The following SLFN14 variants were observed in gnomAD, a reference collection of about 807,000 sequenced individuals.
The protein encoded by SLFN14 is protein SLFN14.
SLFN14 carries 47 observed loss-of-function variants against 58.6 expected under a neutral mutation model. That is an observed-to-expected ratio of 0.80 (90% confidence interval 0.64 to 1.02). The LOEUF is 1.02. SLFN14 is among the 50% of genes least tolerant of loss of function. The pLI, the probability that SLFN14 is intolerant of heterozygous loss-of-function variation, is 0.00. For missense variants in SLFN14, 967 were observed against 1,078.4 expected (o/e 0.90, Z 1.45); for synonymous variants, 390 against 387.3 (o/e 1.01, Z -0.08).
At chr17:35,560,426 C>A (rs1428357059) in intron 1 of SLFN14, among the ~76,000 whole-genome samples, 2 of 152,154 alleles carry the variant, frequency 1.3e-5, no homozygotes, top group African/African-American at 4.8e-5. Context: ...CCCCCAGGTT[C>A]AAGTGACTCT....
chr17:35,558,027 A>G lies in SLFN14; in HGVS notation c.36T>C (p.Tyr12=). 1 of 1,551,478 alleles carries G rather than the reference A, an allele frequency of 6.4e-7. No homozygotes were observed. Among genetic ancestry groups the G allele is most frequent in the Non-Finnish European group, 8.7e-7 (1 of 1,146,992 alleles). Residue 12 remains tyrosine (Y), a synonymous_variant, in exon 3 of 6, where the codon TAT becomes TAC. Coordinates refer to ENST00000674182, the MANE Select transcript of SLFN14 (RefSeq NM_001129820.2). The part of the protein sequence containing the change: ...ESLKTDTEMP[Y]PEVIVDVGRV... ...TGCCCACATCTACTATTACCTCAGG[A>G]TACGGCATTTCAGTATCAGTCTTGA...
chr17:35,548,776 A>G lies in SLFN14; in HGVS notation c.2202T>C (p.Cys734=), dbSNP rs2072557038. The change falls in exon 6 of 6, where the codon TGT becomes TGC. Residue 734 remains cysteine (C), a synonymous_variant. Coordinates refer to ENST00000674182, the MANE Select transcript of SLFN14 (RefSeq NM_001129820.2). The stretch of plus-strand genomic sequence containing the variant: ...TCATAACCTTCGCTATTTCCAGAGC[A>G]CAGTGGATCCCACTGGTGATTGTTT... The part of the protein sequence containing the change: ...PRKTITSGIH[C]ALEIAKVMKE... The G allele has an allele frequency of 1.3e-6, 2 of 1,551,700 alleles. No homozygotes were observed. Among genetic ancestry groups the G allele is most frequent in the Non-Finnish European group, 1.7e-6 (2 of 1,146,958 alleles).
intron 5 of SLFN14, among the ~76,000 whole-genome samples, chr17:35,551,279 G>A (rs1469504499): frequency 2.0e-5 from 3 of 152,154 alleles, no homozygotes; most frequent in Non-Finnish European, 4.4e-5. Flanking sequence ...ATATTTTTGT[G>A]TGTGTGTGCA....
Position 35,557,439 on chromosome 17 carries a change from T to C in SLFN14, c.624A>G (p.Thr208=), listed in dbSNP as rs1041303196. 1 of 1,551,580 alleles carries C rather than the reference T, an allele frequency of 6.4e-7. No individual in the cohort carries two copies. Among genetic ancestry groups the C allele is most frequent in the Non-Finnish European group, 8.7e-7 (1 of 1,147,002 alleles). The change falls in exon 3 of 6, where the codon ACA becomes ACG. Residue 208 remains threonine, a synonymous_variant. Transcript: ENST00000674182. ...YKEKLNFTES[T]HVEFKRFTTK... is the part of the protein sequence containing the mutation. Reference sequence around the variant, plus strand: ...TGGTGAACCTTTTAAATTCAACATGTGTTGACTCAGTAAAGTTGAGTTTCT... The same window carrying C: ...TGGTGAACCTTTTAAATTCAACATGCGTTGACTCAGTAAAGTTGAGTTTCT...
chr17:35,544,528 C>CTTTTT lies in SLFN14; in HGVS notation c.*3706_*3710dup, dbSNP rs10641330. The stretch of plus-strand genomic sequence containing the variant: ...CCCAGATAACAAGATGATTTAAGAA[C>CTTTTT]TTTTTTTTTTTTTTTTTGAGACAGA... On this transcript the variant is annotated 3_prime_UTR_variant, in exon 6 of 6. Transcript: ENST00000674182. 4.9e-4 allele frequency among the ~76,000 whole-genome samples: 69 copies of CTTTTT among 139,860 alleles called. 2 individuals carry two copies. The highest frequency in any genetic ancestry group is 1.4e-3 in the African/African-American group (54 of 37,604). 91.8% of individuals were successfully genotyped at this position (139,860 alleles called of 152,430 possible).
intron 5 of SLFN14, among the ~76,000 whole-genome samples, chr17:35,551,374 T>G (rs1395297771): frequency 6.6e-6 from 1 of 152,206 alleles, no homozygotes; most frequent in Admixed American, 6.5e-5. Flanking sequence ...CTGTGGTACC[T>G]CAGCCTATCG....
At chr17:35,551,753 G>T (rs1309308604) in intron 5 of SLFN14, among the ~76,000 whole-genome samples, 3 of 151,830 alleles carry the variant, frequency 2.0e-5, no homozygotes, top group Non-Finnish European at 4.4e-5. Flanking sequence ...TTATTTTTAG[G>T]GGAAGAATGC....
chr17:35,558,226 T>A, intron 2 of SLFN14, 120 bp from the exon 3 acceptor site: 2 of 698,576 alleles, frequency 2.9e-6, no homozygotes, highest in Non-Finnish European at 4.6e-6. Flanking sequence ...TCTCTCTCTA[T>A]ATGTATATTT....
intron 5 of SLFN14, among the ~76,000 whole-genome samples, chr17:35,549,761 G>C (rs1045738983): frequency 4.6e-5 from 7 of 152,168 alleles, no homozygotes; most frequent in African/African-American, 1.7e-4. Context: ...CATCCCTACA[G>C]ATTCCATGAT....
In SLFN14 at chr17:35,553,121, T is replaced by A. The variant is rs959416889; in HGVS notation, c.1513A>T (p.Lys505Ter). ...KLQTVGGYTGKVCIIPRLIHL... is the reference protein window; with the variant it reads ...KLQTVGGYTG ...ATCAGCCTTGGAATGATGCACACTTTCCCTGTGTAACCACCAACAGTTTGC... is the reference window on the plus strand; with the variant it reads ...ATCAGCCTTGGAATGATGCACACTTACCCTGTGTAACCACCAACAGTTTGC... Residue 505 changes from lysine to a stop codon, truncating the protein, a stop_gained, in exon 5 of 6, where the codon AAA becomes TAA. Transcript: ENST00000674182. LOFTEE classifies it high-confidence loss of function. 19 of 1,551,580 alleles carry A rather than the reference T, an allele frequency of 1.2e-5. No homozygotes were observed. Among genetic ancestry groups the A allele is most frequent in the Middle Eastern group, 1.7e-4 (1 of 6,014 alleles).
In SLFN14 at chr17:35,554,619, T is replaced by A; in HGVS notation, c.1146A>T (p.Lys382Asn). The change falls in exon 4 of 6, where the codon AAA becomes AAT. Residue 382 changes from lysine to asparagine, a missense_variant. Coordinates refer to ENST00000674182, the MANE Select transcript of SLFN14 (RefSeq NM_001129820.2). ...GCAGAGCCTCCTTAAATTTGTGGAC[T>A]TTTATGGGATATCCGGGACTTTTTC... is the stretch of plus-strand genomic sequence containing the variant. ...SARKSPGYPI[K>N]VHKFKEALQR... 6.5e-7 allele frequency: 1 copy of A among 1,536,474 alleles called. No homozygotes were observed. Among genetic ancestry groups the A allele is most frequent in the Non-Finnish European group, 8.8e-7 (1 of 1,139,504 alleles).
At position 35,548,685 on chromosome 17, in the gene SLFN14, A is replaced by T; in HGVS notation, c.2293T>A (p.Phe765Ile). The T allele has an allele frequency of 6.4e-7, 1 of 1,551,768 alleles. No individual in the cohort carries two copies. The highest frequency in any genetic ancestry group is 8.7e-7 in the Non-Finnish European group (1 of 1,147,006). ...GCTTCCTCATAGGCAGTCTCGCTGA[A>T]CAATGCTAATGTGTCTGGAGACATG... ...SNMSPDTLAL[F>I]SETAYEEATC... The change falls in exon 6 of 6, where the codon TTC (phenylalanine) becomes ATC (isoleucine). Residue 765 changes from phenylalanine (F) to isoleucine (I), a missense_variant. By Grantham distance (21) the Phe-to-Ile change is conservative. Transcript: ENST00000674182.
At chr17:35,554,460 T>G in intron 4 of SLFN14, 116 bp downstream of exon 4, 2 of 589,584 alleles carry the variant, frequency 3.4e-6, no homozygotes, top group Non-Finnish European at 4.8e-6. Flanking sequence ...ATTATGTCGC[T>G]AAGTCCTTCA....
intron 5 of SLFN14, among the ~76,000 whole-genome samples, chr17:35,549,457 A>C (rs1852565359): frequency 6.6e-6 from 1 of 152,226 alleles, no homozygotes. Context: ...TCCTCTTTAG[A>C]GCTGGAAAAC....
intron 5 of SLFN14, among the ~76,000 whole-genome samples, chr17:35,550,438 C>T (rs1325799515): frequency 1.3e-5 from 2 of 152,118 alleles, no homozygotes; most frequent in East Asian, 1.9e-4. Flanking sequence ...CCCAGCTACT[C>T]GGGAGGCTGA....
chr17:35,549,104 C>T (rs2072561509), intron 5 of SLFN14, 31 bp from the exon 6 acceptor site: 1 of 1,506,186 alleles, frequency 6.6e-7, no homozygotes. Flanking sequence ...GGGCTTGAGG[C>T]ATATCAACAA....
chr17:35,551,413 T>C (rs2142200127), intron 5 of SLFN14, among the ~76,000 whole-genome samples: 1 of 152,338 alleles, frequency 6.6e-6, no homozygotes, highest in East Asian at 1.9e-4. Flanking sequence ...AGAATCTATA[T>C]GCTTCCTCTC....
Position 35,553,528 on chromosome 17 carries a change from C to A in SLFN14, c.1190-84G>T, listed in dbSNP as rs199899185. The A allele has an allele frequency of 8.4e-6, 9 of 1,076,782 alleles. No individual in the cohort carries two copies. The East Asian group carries it at 1.8e-4, about 22-fold the overall frequency. The allele number at this position is 1,076,782 out of a possible 1,614,324, so 66.7% of individuals were successfully genotyped here. ...TGCAACGTTGCAGAAAAAAATGATA[C>A]CTGGTGCATTTGGGAAAATAAGAGC... On this transcript the variant is annotated intron_variant, in intron 4 of 5. Transcript: ENST00000674182.
intron 3 of SLFN14, among the ~76,000 whole-genome samples, chr17:35,555,601 TA>T (rs1177168534): frequency 6.6e-6 from 1 of 151,268 alleles, no homozygotes; most frequent in East Asian, 1.9e-4. Context: ...CATCTAAGGT[TA>T]GATGGAATCA....
Sources: gnomAD v4.1 joint callset for allele counts (sites outside exome capture counted in the v4.1 genomes callset) on GRCh38, gnomAD v4.1.1 for gene constraint, MANE v1.5 for transcripts, NCBI Gene and HGNC (gene_info 2026-07-23, HGNC 2026-07-21) for gene names.